Variants in C13orf42 observed in about 807,000 individuals in gnomAD.
C13orf42 encodes uncharacterized protein C13orf42.
chr13:51,133,565 A>T (rs1374238399), intron 1 of C13orf42, among the ~76,000 whole-genome samples: 1 of 151,942 alleles, frequency 6.6e-6, no homozygotes, highest in African/African-American at 2.4e-5. Context: ...TTAAATATAT[A>T]TTTTTTAATT....
chr13:51,094,928 G>A (rs541937200), intron 1 of C13orf42, among the ~76,000 whole-genome samples: 142 of 152,192 alleles, frequency 9.3e-4, no homozygotes, highest in African/African-American at 3.2e-3. Flanking sequence ...TGTCTTTCCC[G>A]TGCTGTTTTC....
In C13orf42 at chr13:51,169,174, C is replaced by G. The variant is rs1261173431; in HGVS notation, n.136+3079G>C. 2.6e-5 allele frequency among the ~76,000 whole-genome samples: 4 copies of G among 152,100 alleles called. No individual in the cohort carries two copies. In the East Asian group the frequency reaches 7.7e-4, roughly 29 times the overall value. On this transcript the variant is annotated intron_variant and non_coding_transcript_variant, in intron 1 of 4. Transcript: ENST00000433280. ...AGAGATTAGAACAGTTTAGAGGGCT[C>G]AGAAGAAGACAGGAAGATGAGGGAA...
At chr13:51,098,007 TC>T (rs1953252988) in intron 1 of C13orf42, among the ~76,000 whole-genome samples, 1 of 152,150 alleles carries the variant, frequency 6.6e-6, no homozygotes. Flanking sequence ...CTGCTCCATC[TC>T]CCTACCCTAG....
At chr13:51,157,499 T>C (rs1463317504) in intron 1 of C13orf42, among the ~76,000 whole-genome samples, 1 of 152,216 alleles carries the variant, frequency 6.6e-6, no homozygotes, top group African/African-American at 2.4e-5. Flanking sequence ...AGGTGGCCAA[T>C]GGACTGACTT....
intron 1 of C13orf42, among the ~76,000 whole-genome samples, chr13:51,137,083 G>T (rs1369016631): frequency 1.3e-5 from 2 of 152,180 alleles, no homozygotes; most frequent in Non-Finnish European, 2.9e-5. Flanking sequence ...GTGTGTTTGT[G>T]TGTGTGTCGC....
chr13:51,114,645 T>TAGATAGATAGATAGAG (rs777778293), upstream of C13orf42, among the ~76,000 whole-genome samples: 39 of 120,530 alleles, frequency 3.2e-4, no homozygotes, highest in African/African-American at 8.9e-4. Context: ...GATAGATAGA[T>TAGATAGATAGATAGAG]AGAGATAGAC....
intron 1 of C13orf42, among the ~76,000 whole-genome samples, chr13:51,163,280 A>G (rs1306908353): frequency 6.6e-6 from 1 of 152,180 alleles, no homozygotes; most frequent in Non-Finnish European, 1.5e-5. Context: ...CTTTAATTTT[A>G]TATTTTACTT....
chr13:51,116,924 T>G (rs1307797930), intron 1 of C13orf42, among the ~76,000 whole-genome samples: 1 of 152,154 alleles, frequency 6.6e-6, no homozygotes, highest in Non-Finnish European at 1.5e-5. Flanking sequence ...CATCCAACAG[T>G]TCAAAGGTGG....
At chr13:51,130,350 G>GC (rs1239966533) in intron 1 of C13orf42, among the ~76,000 whole-genome samples, 1 of 152,106 alleles carries the variant, frequency 6.6e-6, no homozygotes, top group African/African-American at 2.4e-5. Context: ...AAATTAGCGT[G>GC]CCCCCTATCT....
chr13:51,149,246 G>T (rs1953760619), intron 1 of C13orf42, among the ~76,000 whole-genome samples: 1 of 150,540 alleles, frequency 6.6e-6, no homozygotes. Context: ...GGCTCTGAAG[G>T]CTGCTTAGAA....
In C13orf42 at chr13:51,119,891, A is replaced by T. The variant is rs572139062; in HGVS notation, n.137-6669T>A. ...AAATTGTACATTTAAAAATGGCTAAAATGATAAATTTAAAAACAAATAGAT... is the reference window on the plus strand; with the variant it reads ...AAATTGTACATTTAAAAATGGCTAATATGATAAATTTAAAAACAAATAGAT... On this transcript the variant is annotated intron_variant and non_coding_transcript_variant, in intron 1 of 4. Coordinates refer to the C13orf42 transcript ENST00000433280. Among the ~76,000 whole-genome samples, 8 of 152,282 alleles carry T rather than the reference A, an allele frequency of 5.3e-5. No homozygotes were observed. In the East Asian group the frequency reaches 1.4e-3, roughly 26 times the overall value.
chr13:51,147,276 G>A (rs1466546737), intron 1 of C13orf42, among the ~76,000 whole-genome samples: 2 of 152,206 alleles, frequency 1.3e-5, no homozygotes, highest in Non-Finnish European at 2.9e-5. Flanking sequence ...CTCTGTGAGA[G>A]TCAGTCCTGC....
intron 1 of C13orf42, among the ~76,000 whole-genome samples, chr13:51,144,941 C>A (rs935028407): frequency 6.6e-6 from 1 of 152,162 alleles, no homozygotes; most frequent in African/African-American, 2.4e-5. Context: ...AATAAGCAAA[C>A]CAGTCTTACC....
chr13:51,110,559 G>A (rs528903165), intron 1 of C13orf42, among the ~76,000 whole-genome samples: 43 of 152,348 alleles, frequency 2.8e-4, no homozygotes, highest in African/African-American at 9.6e-4. Flanking sequence ...AAACCTGCAT[G>A]TGTACCCCTG....
At chr13:51,103,748 A>C (rs914895896) in intron 1 of C13orf42, among the ~76,000 whole-genome samples, 1 of 152,170 alleles carries the variant, frequency 6.6e-6, no homozygotes, top group African/African-American at 2.4e-5. Flanking sequence ...AACCCAGACA[A>C]GCCTTGAAGA....
chr13:51,119,110 G>A (rs1409505282), intron 1 of C13orf42, among the ~76,000 whole-genome samples: 1 of 151,088 alleles, frequency 6.6e-6, no homozygotes, highest in East Asian at 1.9e-4. Context: ...GGTGTATGGT[G>A]TGCCCAGGCG....
At chr13:51,135,080 G>C (rs569277303) in intron 1 of C13orf42, among the ~76,000 whole-genome samples, 1 of 152,338 alleles carries the variant, frequency 6.6e-6, no homozygotes, top group East Asian at 1.9e-4. Context: ...CCCTCGGGAG[G>C]CCTCTTGGGA....
At chr13:51,132,768 C>A (rs900695268) in intron 1 of C13orf42, among the ~76,000 whole-genome samples, 3 of 152,110 alleles carry the variant, frequency 2.0e-5, no homozygotes, top group Non-Finnish European at 4.4e-5. Flanking sequence ...GACGCTGAGA[C>A]CTGCTGGGCC....
intron 1 of C13orf42, among the ~76,000 whole-genome samples, chr13:51,144,735 T>C: frequency 6.6e-6 from 1 of 152,222 alleles, no homozygotes; most frequent in East Asian, 1.9e-4. Context: ...CAGATTTATC[T>C]TGGAACCTCA....
Sources: allele counts gnomAD v4.1 joint callset (sites outside exome capture counted in the v4.1 genomes callset), GRCh38; gene constraint gnomAD v4.1.1; transcripts MANE v1.5; gene names NCBI Gene and HGNC (gene_info 2026-07-23, HGNC 2026-07-21).